ANKLE2: variants seen among roughly 807,000 people sequenced by gnomAD.
ANKLE2 encodes ankyrin repeat and LEM domain-containing protein 2.
Under a neutral mutation model 84.2 loss-of-function variants are expected in ANKLE2, and 55 were observed. That is an observed-to-expected ratio of 0.65 (90% CI 0.53 to 0.82). The LOEUF is 0.82. Among genes scored for constraint, ANKLE2 ranks in the 40% least tolerant of loss-of-function variants. The probability of loss-of-function intolerance (pLI) is 0.00; values close to 1 mark genes in which losing one functional copy is unlikely to be tolerated. For synonymous variants in ANKLE2, 551 were observed against 486.1 expected, an observed-to-expected ratio of 1.13 and a Z score of -1.76; for missense variants, 1,238 against 1,201.9, an observed-to-expected ratio of 1.03 and a Z score of -0.44.
At position 132,761,699 on chromosome 12, in the gene ANKLE2, GCCGCACCAGCCA is replaced by G. The variant is rs1480415036; in HGVS notation, c.88_99del (p.Trp30_Arg33del). Reference sequence around the variant, plus strand: ...AGACCTCCCGGCCGCGGGCCCAGCCGCCGCACCAGCCACCGCACAGCGATCAGCAGCACCGAG... The same window carrying G: ...AGACCTCCCGGCCGCGGGCCCAGCCGCCGCACAGCGATCAGCAGCACCGAG... On this transcript the variant is annotated inframe_deletion, in exon 1 of 13. Coordinates refer to ENST00000357997, the MANE Select transcript of ANKLE2 (RefSeq NM_015114.3). The G allele has an allele frequency of 7.4e-7, 1 of 1,348,874 alleles. No homozygotes were observed. Among genetic ancestry groups the G allele is most frequent in the Non-Finnish European group, 9.6e-7 (1 of 1,042,430 alleles). 83.6% of individuals were successfully genotyped at this position (1,348,874 alleles called of 1,614,324 possible).
chr12:132,729,824 C>T lies in ANKLE2; in HGVS notation c.2338G>A (p.Ala780Thr), dbSNP rs186469877. ...CTGTGGCCATTCCCGAGTTGGTCTG[C>T]GGGAGAAGGCTCTAACAAGTCTCTT... ...VERDLLEPSPADQLGNGHRRT... is the reference protein window; with the variant it reads ...VERDLLEPSPTDQLGNGHRRT... Residue 780 changes from alanine to threonine, a missense_variant, in exon 11 of 13, where the codon GCA (alanine) becomes ACA (threonine). Around this residue, in one of 3 missense-constraint regions of ANKLE2, gnomAD observed 802 missense variants for 774.5 expected, o/e 1.04. Coordinates refer to ENST00000357997, the MANE Select transcript of ANKLE2 (RefSeq NM_015114.3). 88 of 1,613,318 alleles carry T rather than the reference C, an allele frequency of 5.5e-5. No homozygotes were observed. Among genetic ancestry groups the T allele is most frequent in the African/African-American group, 1.1e-4 (8 of 74,852 alleles).
chr12:132,727,167 T>C lies in ANKLE2; in HGVS notation c.*75A>G. 7.2e-7 allele frequency: 1 copy of C among 1,389,196 alleles called. No homozygotes were observed. Among genetic ancestry groups the C allele is most frequent in the Non-Finnish European group, 9.5e-7 (1 of 1,048,800 alleles). The allele number at this position is 1,389,196 out of a possible 1,614,324, so 86.1% of individuals were successfully genotyped here. A position where few individuals can be genotyped will look rare whatever the true frequency, so the allele number is the denominator to read the frequency against. ...TAATTTAATCAGAATATATTCCTTT[T>C]TGACAGTTTAGCAATAAACATATGA... On this transcript the variant is annotated 3_prime_UTR_variant, in exon 13 of 13. Transcript: ENST00000357997.
chr12:132,736,196 C>T (rs2044005552), intron 8 of ANKLE2, among the ~76,000 whole-genome samples: 2 of 152,204 alleles, frequency 1.3e-5, no homozygotes, highest in African/African-American at 4.8e-5. Flanking sequence ...GTGATCCACC[C>T]GCCTCGGCCT....
chr12:132,737,103 C>A (rs750714302), intron 7 of ANKLE2, 38 bp from the exon 8 acceptor site: 1 of 1,553,202 alleles, frequency 6.4e-7, no homozygotes, highest in East Asian at 2.3e-5. Flanking sequence ...AGGCTTCCGC[C>A]CCCTCCGCAG....
chr12:132,745,150 G>T, intron 5 of ANKLE2: 1 of 153,250 alleles, frequency 6.5e-6, no homozygotes, highest in South Asian at 2.0e-4. Flanking sequence ...ATGACTGCCT[G>T]AACACAGACG....
intron 7 of ANKLE2, 56 bp downstream of exon 7, chr12:132,741,363 T>G: frequency 6.3e-7 from 1 of 1,578,772 alleles, no homozygotes. Context: ...CCCCCAACGC[T>G]CCAAGGCCCT....
rs2043803407 is a variant in ANKLE2 at position 132,729,949 on chromosome 12, T to C, written c.2213A>G (p.Lys738Arg). ...PVSDLTVEFD[K>R]LNLQNIGRSV... ...ACGTCCTATATTTTGCAAATTCAGT[T>C]TATCAAACTCAACAGTCAAATCCGA... The change falls in exon 11 of 13, where the codon AAA (lysine) becomes AGA (arginine). Residue 738 changes from lysine to arginine, a missense_variant. By Grantham distance (26) the Lys-to-Arg change is conservative. Around this residue, in one of 3 missense-constraint regions of ANKLE2, gnomAD observed 802 missense variants for 774.5 expected, o/e 1.04. Transcript: ENST00000357997. 6.2e-7 allele frequency: 1 copy of C among 1,613,504 alleles called. No individual in the cohort carries two copies. Among genetic ancestry groups the C allele is most frequent in the Non-Finnish European group, 8.5e-7 (1 of 1,179,916 alleles).
chr12:132,734,061 C>A (rs1362957228), intron 10 of ANKLE2: 9 of 470,328 alleles, frequency 1.9e-5, no homozygotes, highest in South Asian at 1.4e-4. Flanking sequence ...TACGGTGAAA[C>A]CGCATCTCCA....
intron 10 of ANKLE2, 90 bp from the exon 11 acceptor site, chr12:132,730,360 C>T (rs80331242): frequency 0.022 from 6,105 of 271,634 alleles, 56 homozygotes; most frequent in East Asian, 0.098. Flanking sequence ...TGCCGTGACC[C>T]CAGCAACAGC....
At chr12:132,733,973 C>A in intron 10 of ANKLE2, 1 of 458,654 alleles carries the variant, frequency 2.2e-6, no homozygotes. Context: ...CCCTCCCCGA[C>A]ACACAACCCA....
intron 8 of ANKLE2, 127 bp from the exon 9 acceptor site, chr12:132,735,639 T>G: frequency 2.8e-6 from 2 of 715,836 alleles, no homozygotes; most frequent in Non-Finnish European, 2.3e-6. Context: ...TCCCCTTCAC[T>G]AGCAGATCCC....
rs749058112 is a variant in ANKLE2, at chr12:132,730,164, G to A, written c.1998C>T (p.Val666=). ...TGCACCTCGTATGTCCAAAAGCACC[G>A]ACTGTGGGCGGGCTGTTATTTCGAG... ...NAARNNSPPT[V]GAFGHTRCSA... The change falls in exon 11 of 13, where the codon GTC becomes GTT. Residue 666 remains valine (V), a synonymous_variant. Coordinates refer to ENST00000357997, the MANE Select transcript of ANKLE2 (RefSeq NM_015114.3). 7.5e-6 allele frequency: 12 copies of A among 1,610,344 alleles called. No individual in the cohort carries two copies. Among genetic ancestry groups the A allele is most frequent in the African/African-American group, 1.3e-5 (1 of 74,870 alleles).
chr12:132,747,952 A>T lies in ANKLE2; in HGVS notation c.1110T>A (p.Thr370=), dbSNP rs1285631617. The change falls in exon 5 of 13, where the codon ACT becomes ACA. Residue 370 remains threonine, a synonymous_variant. Coordinates refer to ENST00000357997, the MANE Select transcript of ANKLE2 (RefSeq NM_015114.3). ...AGTCAGGGTTCTCCAGGACGTCCAG[A>T]GTCAGCTGGCAGATGGAAGCCTGGT... ...KENQASICQL[T]LDVLENPDFM... is the part of the protein sequence containing the mutation. The T allele has an allele frequency of 1.5e-5, 24 of 1,600,208 alleles. No individual in the cohort carries two copies. Among genetic ancestry groups the T allele is most frequent in the African/African-American group, 4.1e-5 (3 of 73,608 alleles).
In ANKLE2 at chr12:132,750,858, G is replaced by A. The variant is rs1280716024; in HGVS notation, c.641-9C>T. 4 of 1,611,884 alleles carry A rather than the reference G, an allele frequency of 2.5e-6. No individual in the cohort carries two copies. In the African/African-American group the frequency reaches 5.3e-5, roughly 22 times the overall value. ...ATAAACATAGATCCTTTCTGGGTAA[G>A]AAAAGTAACAAATGAAAATCAGAGA... On this transcript the variant is annotated splice_polypyrimidine_tract_variant and intron_variant, in intron 2 of 12. Coordinates refer to ENST00000357997, the MANE Select transcript of ANKLE2 (RefSeq NM_015114.3).
At chr12:132,736,615 C>T (rs146579119) in intron 8 of ANKLE2, among the ~76,000 whole-genome samples, 4 of 152,342 alleles carry the variant, frequency 2.6e-5, no homozygotes, top group Non-Finnish European at 4.4e-5. Flanking sequence ...GGGCGACACG[C>T]GCACAGGACG....
At chr12:132,754,266 CAA>C (rs2044427478) in intron 2 of ANKLE2, among the ~76,000 whole-genome samples, 1 of 152,060 alleles carries the variant, frequency 6.6e-6, no homozygotes, top group Admixed American at 6.6e-5. Context: ...TAAATAAAAA[CAA>C]AATAAAACCA....
chr12:132,746,482 T>C (rs1321676976), intron 5 of ANKLE2, among the ~76,000 whole-genome samples: 1 of 152,064 alleles, frequency 6.6e-6, no homozygotes, highest in African/African-American at 2.4e-5. Context: ...CAGAAAGCCC[T>C]ACCTGTTCCA....
At position 132,729,843 on chromosome 12, in the gene ANKLE2, G is replaced by C. The variant is rs542277356; in HGVS notation, c.2319C>G (p.Asp773Glu). Residue 773 changes from aspartate (D) to glutamate (E), a missense_variant, in exon 11 of 13, where the codon GAC becomes GAG. This residue lies in a region of ANKLE2 where 802 missense variants were observed against 774.5 expected (regional missense o/e 1.04). Transcript: ENST00000357997. ...LTSRINAVERDLLEPSPADQL... is the reference protein window; with the variant it reads ...LTSRINAVERELLEPSPADQL... ...GGTCTGCGGGAGAAGGCTCTAACAA[G>C]TCTCTTTCTACTGCATTGATTCTTG... The C allele has an allele frequency of 5.0e-6, 8 of 1,613,548 alleles. No homozygotes were observed. Among genetic ancestry groups the C allele is most frequent in the African/African-American group, 1.3e-5 (1 of 74,906 alleles).
At chr12:132,742,847 T>A (rs1435832862) in intron 6 of ANKLE2, among the ~76,000 whole-genome samples, 1 of 3,990 alleles carries the variant, frequency 2.5e-4, no homozygotes, top group East Asian at 6.5e-3. Context: ...TCTCTGACTC[T>A]GGTCAACTGA....
Sources: allele counts gnomAD v4.1 joint callset (sites outside exome capture counted in the v4.1 genomes callset), GRCh38; gene constraint gnomAD v4.1.1; regional missense constraint gnomAD v4.1.1; transcripts MANE v1.5; gene names NCBI Gene and HGNC (gene_info 2026-07-23, HGNC 2026-07-21).